RFX4: variants seen among roughly 807,000 people sequenced by gnomAD.
The protein encoded by RFX4 is regulatory factor X4.
Under a neutral mutation model 95.0 loss-of-function variants are expected in RFX4, and 10 were observed. That is an observed-to-expected ratio of 0.11 (90% CI 0.06 to 0.18). The LOEUF (loss-of-function observed/expected upper bound fraction) is 0.18. Ranked by LOEUF, RFX4 falls within the 10% of genes least tolerant of loss-of-function variation. The pLI is 1.00. For synonymous variants in RFX4, 321 were observed against 340.7 expected (o/e 0.94, Z 0.64); for missense variants, 640 against 922.0 (o/e 0.69, Z 3.96).
chr12:106,693,492 A>G (rs1340985051), intron 7 of RFX4, among the ~76,000 whole-genome samples: 2 of 152,224 alleles, frequency 1.3e-5, no homozygotes, highest in African/African-American at 2.4e-5. Flanking sequence ...TAAGTAAGGC[A>G]AATGAATTCA....
intron 4 of RFX4, among the ~76,000 whole-genome samples, chr12:106,658,842 G>A (rs7958469): frequency 0.36 from 55,018 of 151,922 alleles, 10,038 homozygotes; most frequent in South Asian, 0.39. Context: ...TTGGCCCCTC[G>A]GGTAACTGAG....
chr12:106,592,907 G>C (rs1481523124), intron 1 of RFX4, among the ~76,000 whole-genome samples: 1 of 152,150 alleles, frequency 6.6e-6, no homozygotes, highest in African/African-American at 2.4e-5. Context: ...ATGTTTACGA[G>C]AGGGAAAGAG....
At chr12:106,745,184 T>G (rs570107856) in intron 15 of RFX4, among the ~76,000 whole-genome samples, 1 of 152,302 alleles carries the variant, frequency 6.6e-6, no homozygotes, top group South Asian at 2.1e-4. Flanking sequence ...TTTTATTGTC[T>G]CGAATCTTTT....
chr12:106,677,699 C>T, intron 4 of RFX4, among the ~76,000 whole-genome samples: 1 of 151,856 alleles, frequency 6.6e-6, no homozygotes. Flanking sequence ...AGAGTGAGAC[C>T]CTGTCTCAAA....
intron 1 of RFX4, among the ~76,000 whole-genome samples, chr12:106,598,443 T>C (rs986908971): frequency 2.0e-5 from 3 of 151,980 alleles, no homozygotes; most frequent in Non-Finnish European, 4.4e-5. Flanking sequence ...CGTGCACTTA[T>C]AGATATGAGA....
intron 2 of RFX4, among the ~76,000 whole-genome samples, chr12:106,632,500 C>T (rs1488151457): frequency 6.6e-6 from 1 of 152,186 alleles, no homozygotes; most frequent in Non-Finnish European, 1.5e-5. Flanking sequence ...TGGCTATTTA[C>T]CTAAAATGTG....
chr12:106,734,223 T>C (rs897562230), intron 15 of RFX4, among the ~76,000 whole-genome samples: 1 of 152,002 alleles, frequency 6.6e-6, no homozygotes, highest in Admixed American at 6.5e-5. Flanking sequence ...TATAGGATGA[T>C]GAAAAAGCTC....
intron 3 of RFX4, among the ~76,000 whole-genome samples, chr12:106,653,381 G>C (rs2040891971): frequency 6.6e-6 from 1 of 152,206 alleles, no homozygotes; most frequent in Non-Finnish European, 1.5e-5. Context: ...TCCCATGCAC[G>C]TGCCAGGCAC....
chr12:106,746,780 C>T (rs1051918853), intron 15 of RFX4, among the ~76,000 whole-genome samples: 3 of 152,196 alleles, frequency 2.0e-5, no homozygotes, highest in African/African-American at 7.2e-5. Context: ...ATCCTTAACA[C>T]CTGTTGAGTT....
chr12:106,626,597 G>T (rs1221345323), intron 2 of RFX4, among the ~76,000 whole-genome samples: 1 of 152,134 alleles, frequency 6.6e-6, no homozygotes, highest in Admixed American at 6.5e-5. Context: ...TTTTCAGAAG[G>T]TTGGCGTGGA....
intron 15 of RFX4, among the ~76,000 whole-genome samples, chr12:106,737,485 G>A (rs2042734605): frequency 1.3e-5 from 2 of 152,056 alleles, no homozygotes; most frequent in East Asian, 3.9e-4. Context: ...GCATGAAGGA[G>A]AGGGGAGAAA....
At chr12:106,728,740 ACT>A (rs1433955479) in intron 13 of RFX4, among the ~76,000 whole-genome samples, 1 of 151,998 alleles carries the variant, frequency 6.6e-6, no homozygotes, top group Non-Finnish European at 1.5e-5. Context: ...TCGCTGCGAC[ACT>A]CTGGCAATGA....
intron 4 of RFX4, among the ~76,000 whole-genome samples, chr12:106,657,716 G>T (rs1210747687): frequency 6.6e-6 from 1 of 152,114 alleles, no homozygotes; most frequent in African/African-American, 2.4e-5. Context: ...ATGAGACAGT[G>T]CTTATGAGGG....
At chr12:106,598,570 A>G (rs2039652778) in intron 1 of RFX4, among the ~76,000 whole-genome samples, 1 of 152,192 alleles carries the variant, frequency 6.6e-6, no homozygotes. Flanking sequence ...TCTGCAGTAG[A>G]CTTACAGGAA....
At chr12:106,725,972 C>T (rs531137360) in intron 13 of RFX4, among the ~76,000 whole-genome samples, 12 of 152,116 alleles carry the variant, frequency 7.9e-5, no homozygotes, top group African/African-American at 1.9e-4. Flanking sequence ...AGAGGCCGGG[C>T]GAAGTGGCTC....
At chr12:106,747,694 G>A (rs1398547919) in intron 16 of RFX4, 95 bp downstream of exon 16, 4 of 1,421,266 alleles carry the variant, frequency 2.8e-6, no homozygotes, top group Non-Finnish European at 3.8e-6. Context: ...AGCACTTTGG[G>A]AGGCCAAGGT....
At position 106,702,189 on chromosome 12, in the gene RFX4, T is replaced by C. The variant is rs139022587; in HGVS notation, c.833+5743T>C. ...TGATAGTCTGGTTATGTTGATTGTT[T>C]TGTTTCTTGACAGTAGGTTCTTTTT... is the stretch of plus-strand genomic sequence containing the variant. On this transcript the variant is annotated intron_variant, in intron 8 of 17. Transcript: ENST00000392842. 7.5e-4 allele frequency among the ~76,000 whole-genome samples: 115 copies of C among 152,340 alleles called. No homozygotes were observed. In the East Asian group the frequency reaches 0.021, roughly 28 times the overall value.
intron 4 of RFX4, among the ~76,000 whole-genome samples, chr12:106,669,109 A>T (rs1477544506): frequency 6.6e-6 from 1 of 152,208 alleles, no homozygotes; most frequent in Non-Finnish European, 1.5e-5. Flanking sequence ...TATGAGTTTA[A>T]TCTATTAAGG....
At position 106,719,999 on chromosome 12, in the gene RFX4, C is replaced by T. The variant is rs1163144193; in HGVS notation, c.1178C>T (p.Pro393Leu). 6.2e-7 allele frequency: 1 copy of T among 1,614,174 alleles called. No homozygotes were observed. Among genetic ancestry groups the T allele is most frequent in the Non-Finnish European group, 8.5e-7 (1 of 1,180,028 alleles). Residue 393 changes from proline to leucine, a missense_variant, in exon 12 of 18, where the codon CCC (proline) becomes CTC (leucine). Physicochemically the swap from Pro to Leu is moderately conservative, Grantham distance 98 (BLOSUM62 -3). This residue lies in a region of RFX4 where 72 missense variants were observed against 80.5 expected (regional missense o/e 0.89). Transcript: ENST00000392842. ...GACCATCTCTTGGAGGAGCAGTCTC[C>T]CATCGAGTCCTACATTGAGTGGCTG... ...EFDHLLEEQS[P>L]IESYIEWLDT...
Sources: allele counts gnomAD v4.1 joint callset (sites outside exome capture counted in the v4.1 genomes callset), GRCh38; gene constraint gnomAD v4.1.1; regional missense constraint gnomAD v4.1.1; transcripts MANE v1.5; gene names NCBI Gene and HGNC (gene_info 2026-07-23, HGNC 2026-07-21).